ACACB: variants seen among roughly 807,000 people sequenced by gnomAD.
ACACB encodes acetyl-CoA carboxylase 2.
ACACB carries 209 observed loss-of-function variants against 278.8 expected under a neutral mutation model. The observed-to-expected ratio is 0.75, with a 90% confidence interval of 0.67 to 0.84. The LOEUF (loss-of-function observed/expected upper bound fraction) is 0.84. Ranked by LOEUF, ACACB falls within the 40% of genes least tolerant of loss-of-function variation. ACACB has a pLI of 0.00. For missense variants in ACACB, 2,850 were observed against 3,269.0 expected, an observed-to-expected ratio of 0.87 and a Z score of 3.13; for synonymous variants, 1,174 against 1,285.6, an observed-to-expected ratio of 0.91 and a Z score of 1.86.
intron 2 of ACACB, among the ~76,000 whole-genome samples, chr12:109,156,638 A>G (rs11610881): frequency 0.22 from 31,977 of 148,320 alleles, 4,028 homozygotes; most frequent in South Asian, 0.27. Flanking sequence ...ACAGTGAGGA[A>G]TACCCCTGTA....
chr12:109,181,491 G>A (rs960505544), intron 11 of ACACB, among the ~76,000 whole-genome samples: 2 of 152,052 alleles, frequency 1.3e-5, no homozygotes, highest in African/African-American at 4.8e-5. Flanking sequence ...ACTTCCCAAA[G>A]TGCTAGGATT....
chr12:109,191,576 G>T (rs778573761), intron 13 of ACACB, 37 bp from the exon 14 acceptor site: 1 of 1,612,114 alleles, frequency 6.2e-7, no homozygotes, highest in South Asian at 1.1e-5. Flanking sequence ...ATGTATGCAT[G>T]AATTTGGAAA....
At chr12:109,221,666 A>G (rs986866965) in intron 24 of ACACB, among the ~76,000 whole-genome samples, 1 of 152,126 alleles carries the variant, frequency 6.6e-6, no homozygotes, top group Non-Finnish European at 1.5e-5. Flanking sequence ...GGGGCAGAAT[A>G]GTGCTGTGTT....
At chr12:109,265,087 A>T (rs766459566) in intron 50 of ACACB, 23 bp from the exon 51 acceptor site, 14 of 1,588,520 alleles carry the variant, frequency 8.8e-6, no homozygotes, top group South Asian at 2.3e-5. Flanking sequence ...CTTTCCGGGG[A>T]TTCAAGCCTG....
chr12:109,223,691 G>A (rs1468458696), intron 26 of ACACB, 124 bp from the exon 27 acceptor site: 3 of 874,694 alleles, frequency 3.4e-6, no homozygotes, highest in Non-Finnish European at 5.6e-6. Flanking sequence ...CAGCCTGGGA[G>A]TTTGAGGCTG....
chr12:109,199,293 A>G (rs2045249084), intron 17 of ACACB, 109 bp from the exon 18 acceptor site: 2 of 958,536 alleles, frequency 2.1e-6, no homozygotes, highest in Admixed American at 3.3e-5. Context: ...GGGAATGTAG[A>G]GGGTACACTC....
rs1331542979 is a variant in ACACB, at chr12:109,250,045, T to C, written c.5731T>C (p.Ser1911Pro). 6.2e-7 allele frequency: 1 copy of C among 1,613,696 alleles called. No individual in the cohort carries two copies. The highest frequency in any genetic ancestry group is 2.2e-5 in the East Asian group (1 of 44,834). ...CTTGGGCGTGGAGAATCTGAGGGGC[T>C]CAGGCATGATTGCTGGGGAGTCCTC... is the stretch of plus-strand genomic sequence containing the variant. Reference protein sequence around the residue: ...DGLGVENLRGSGMIAGESSLA... With the variant: ...DGLGVENLRGPGMIAGESSLA... The change falls in exon 41 of 53, where the codon TCA (serine) becomes CCA (proline). Residue 1911 changes from serine (S) to proline (P), a missense_variant. Ser to Pro is a moderately conservative substitution (Grantham distance 74). Coordinates refer to ENST00000338432, the MANE Select transcript of ACACB (RefSeq NM_001093.4).
At chr12:109,200,415 C>T (rs2045296470) in intron 18 of ACACB, among the ~76,000 whole-genome samples, 1 of 152,086 alleles carries the variant, frequency 6.6e-6, no homozygotes, top group South Asian at 2.1e-4. Flanking sequence ...AATACCTGAG[C>T]TCAGGTGATC....
chr12:109,203,371 G>T (rs987750230), intron 19 of ACACB, among the ~76,000 whole-genome samples: 15 of 152,170 alleles, frequency 9.9e-5, no homozygotes, highest in Non-Finnish European at 2.1e-4. Context: ...TCCCATCCAG[G>T]TTAGCACATT....
upstream of ACACB, among the ~76,000 whole-genome samples, chr12:109,113,976 C>G (rs1489238587): frequency 6.6e-6 from 1 of 152,036 alleles, no homozygotes; most frequent in Non-Finnish European, 1.5e-5. Context: ...TCAATGGGAA[C>G]CAATTTTTTT....
At chr12:109,143,817 G>C (rs1251961482) in intron 2 of ACACB, among the ~76,000 whole-genome samples, 1 of 152,058 alleles carries the variant, frequency 6.6e-6, no homozygotes, top group African/African-American at 2.4e-5. Flanking sequence ...TGCTGCCTCT[G>C]GTGTTTGACT....
Position 109,216,860 on chromosome 12 carries a change from G to A in ACACB, c.3504G>A (p.Leu1168=), listed in dbSNP as rs888207988. 4 of 1,614,114 alleles carry A rather than the reference G, an allele frequency of 2.5e-6. No homozygotes were observed. The highest frequency in any genetic ancestry group is 3.4e-6 in the Non-Finnish European group (4 of 1,180,028). Residue 1168 remains leucine (L), a synonymous_variant, in exon 24 of 53, where the codon CTG becomes CTA. Transcript: ENST00000338432. ...EQFKPDMSQV[L]DCIFSHAQVA... Reference sequence around the variant, plus strand: ...TCAAGCCAGACATGTCCCAGGTGCTGGACTGCATCTTCTCCCACGCACAGG... The same window carrying A: ...TCAAGCCAGACATGTCCCAGGTGCTAGACTGCATCTTCTCCCACGCACAGG...
intron 2 of ACACB, among the ~76,000 whole-genome samples, chr12:109,161,980 CTT>C (rs373338646): frequency 7.9e-5 from 11 of 139,670 alleles, no homozygotes; most frequent in Admixed American, 1.4e-4. Flanking sequence ...ATGAAGTTCT[CTT>C]TTTTTTTTTT....
chr12:109,130,224 A>AG (rs930852301), intron 1 of ACACB, among the ~76,000 whole-genome samples: 1 of 152,138 alleles, frequency 6.6e-6, no homozygotes, highest in Non-Finnish European at 1.5e-5. Flanking sequence ...TCAGTGCCCC[A>AG]GGGGGGATGA....
Position 109,199,445 on chromosome 12 carries a change from G to A in ACACB, c.2671G>A (p.Glu891Lys). The change falls in exon 18 of 53, where the codon GAG (glutamate) becomes AAG (lysine). Residue 891 changes from glutamate (E) to lysine (K), a missense_variant. Glu to Lys is a moderately conservative substitution (Grantham distance 56). Coordinates refer to ENST00000338432, the MANE Select transcript of ACACB (RefSeq NM_001093.4). ...CAATAAGACGTGTGTGTTTGAGAAGGAGAACGATCCTACAGTCCTGAGATC... is the reference window on the plus strand; with the variant it reads ...CAATAAGACGTGTGTGTTTGAGAAGAAGAACGATCCTACAGTCCTGAGATC... ...IGNKTCVFEK[E>K]NDPTVLRSPS... is the part of the protein sequence containing the mutation. 1 of 1,547,528 alleles carries A rather than the reference G, an allele frequency of 6.5e-7. No individual in the cohort carries two copies. The highest frequency in any genetic ancestry group is 8.7e-7 in the Non-Finnish European group (1 of 1,146,306).
At chr12:109,117,493 T>C (rs567013658) in intron 1 of ACACB, among the ~76,000 whole-genome samples, 1 of 152,292 alleles carries the variant, frequency 6.6e-6, no homozygotes, top group East Asian at 1.9e-4. Flanking sequence ...CAAAATAATA[T>C]GCAAGTTAAA....
At position 109,256,158 on chromosome 12, in the gene ACACB, A is replaced by G; in HGVS notation, c.6185A>G (p.Gln2062Arg). ...TCCACAGCTCTGAAGGGAACGTGGC[A>G]GAGCGGATTCTTTGACCACGGCAGT... ...RPHPTLKGTW[Q>R]SGFFDHGSFK... The change falls in exon 45 of 53, where the codon CAG (glutamine) becomes CGG (arginine). Residue 2062 changes from glutamine (Q) to arginine (R), a missense_variant. Around this residue, in one of 3 missense-constraint regions of ACACB, gnomAD observed 579 missense variants for 684.6 expected, o/e 0.85. Coordinates refer to ENST00000338432, the MANE Select transcript of ACACB (RefSeq NM_001093.4). 3 of 1,613,914 alleles carry G rather than the reference A, an allele frequency of 1.9e-6. No individual in the cohort carries two copies. The highest frequency in any genetic ancestry group is 2.5e-6 in the Non-Finnish European group (3 of 1,179,894).
intron 24 of ACACB, among the ~76,000 whole-genome samples, chr12:109,218,039 G>C (rs1483648492): frequency 6.6e-6 from 1 of 152,180 alleles, no homozygotes; most frequent in Non-Finnish European, 1.5e-5. Context: ...AGGGCACCCA[G>C]CTCCTAAATG....
At chr12:109,156,319 C>T (rs921745247) in intron 2 of ACACB, among the ~76,000 whole-genome samples, 5 of 151,932 alleles carry the variant, frequency 3.3e-5, no homozygotes, top group African/African-American at 1.2e-4. Flanking sequence ...TGCTTGAACT[C>T]GGGAGTTCGA....
Sources: gnomAD v4.1 joint callset for allele counts (sites outside exome capture counted in the v4.1 genomes callset) on GRCh38, gnomAD v4.1.1 for gene constraint, gnomAD v4.1.1 regional missense constraint, MANE v1.5 for transcripts, NCBI Gene and HGNC (gene_info 2026-07-23, HGNC 2026-07-21) for gene names.